The following RGL1 variants were observed in gnomAD, a reference collection of about 807,000 sequenced individuals.
RGL1 encodes the protein ral guanine nucleotide dissociation stimulator-like 1.
A neutral mutation model predicts 95.2 loss-of-function variants in RGL1; 24 were observed. That is an observed-to-expected ratio of 0.25 (90% CI 0.18 to 0.35). The LOEUF (loss-of-function observed/expected upper bound fraction) is 0.35. Ranked by LOEUF, RGL1 falls within the 10% of genes least tolerant of loss-of-function variation. RGL1 has a pLI of 1.00. For synonymous variants in RGL1, 329 were observed against 344.9 expected (o/e 0.95, Z 0.51); for missense variants, 715 against 936.3 (o/e 0.76, Z 3.08).
intron 1 of RGL1, among the ~76,000 whole-genome samples, chr1:183,675,074 A>G (rs954033292): frequency 6.6e-6 from 1 of 152,234 alleles, no homozygotes; most frequent in African/African-American, 2.4e-5. Context: ...CTGATCATCC[A>G]GAATGATCCA....
At position 183,916,602 on chromosome 1, in the gene RGL1, G is replaced by T. The variant is rs371789837; in HGVS notation, c.1905G>T (p.Ser635=). The T allele has an allele frequency of 2.5e-6, 4 of 1,613,106 alleles. No individual in the cohort carries two copies. The highest frequency in any genetic ancestry group is 1.6e-4 in the Middle Eastern group (1 of 6,062). ...CTGTCTCGGTGACGTCCATTACCTC[G>T]ACTGTGCTGCCTCCTGTTTACAACC... is the stretch of plus-strand genomic sequence containing the variant. ...KRSVSVTSIT[S]TVLPPVYNQQ... The change falls in exon 16 of 18, where the codon TCG becomes TCT. Residue 635 remains serine (S), a synonymous_variant. Transcript: ENST00000360851.
intron 1 of RGL1, among the ~76,000 whole-genome samples, chr1:183,703,208 C>T (rs141533913): frequency 2.0e-4 from 30 of 152,282 alleles, no homozygotes; most frequent in African/African-American, 4.8e-4. Context: ...AAGGGAAAAG[C>T]GACGACTTTC....
At chr1:183,664,525 G>C (rs1257523043) in intron 1 of RGL1, among the ~76,000 whole-genome samples, 1 of 151,372 alleles carries the variant, frequency 6.6e-6, no homozygotes, top group Non-Finnish European at 1.5e-5. Flanking sequence ...AACTGGCAGA[G>C]CTGAGATTTA....
chr1:183,805,703 A>G (rs1192419139), intron 1 of RGL1, among the ~76,000 whole-genome samples: 1 of 152,142 alleles, frequency 6.6e-6, no homozygotes, highest in Non-Finnish European at 1.5e-5. Context: ...ATTTTAGTAG[A>G]AGCTGCCTGA....
chr1:183,729,473 C>T (rs893217609), intron 1 of RGL1, among the ~76,000 whole-genome samples: 1 of 152,118 alleles, frequency 6.6e-6, no homozygotes, highest in African/African-American at 2.4e-5. Flanking sequence ...CAAATACTAA[C>T]TGTTGATGAG....
intron 1 of RGL1, among the ~76,000 whole-genome samples, chr1:183,706,515 G>T (rs1264081773): frequency 6.6e-6 from 1 of 152,198 alleles, no homozygotes; most frequent in Admixed American, 6.5e-5. Context: ...GTTTTGACTG[G>T]CTCAGGAAGG....
intron 3 of RGL1, among the ~76,000 whole-genome samples, chr1:183,860,024 T>C (rs1454804347): frequency 6.6e-6 from 1 of 152,190 alleles, no homozygotes; most frequent in African/African-American, 2.4e-5. Flanking sequence ...CCCATGTCGT[T>C]CTCCTGAGTC....
At chr1:183,654,130 A>G (rs1016633104) in intron 1 of RGL1, among the ~76,000 whole-genome samples, 11 of 152,160 alleles carry the variant, frequency 7.2e-5, no homozygotes, top group African/African-American at 2.7e-4. Context: ...GCCTGTTTCC[A>G]CTGTCAGACT....
intron 8 of RGL1, among the ~76,000 whole-genome samples, chr1:183,890,689 A>T (rs1170308781): frequency 6.6e-6 from 1 of 152,154 alleles, no homozygotes; most frequent in Non-Finnish European, 1.5e-5. Flanking sequence ...AAACATGCTA[A>T]ATTTAAAAAG....
chr1:183,860,750 T>C (rs1489878259), intron 3 of RGL1, among the ~76,000 whole-genome samples: 1 of 152,206 alleles, frequency 6.6e-6, no homozygotes, highest in Non-Finnish European at 1.5e-5. Flanking sequence ...ATTAACTAAT[T>C]ATTGTTGTCT....
intron 1 of RGL1, among the ~76,000 whole-genome samples, chr1:183,669,614 A>G (rs1183611681): frequency 6.6e-6 from 1 of 152,242 alleles, no homozygotes; most frequent in South Asian, 2.1e-4. Context: ...CTGGGTAAAA[A>G]GAACTGCAGT....
intron 1 of RGL1, among the ~76,000 whole-genome samples, chr1:183,723,198 T>C (rs1336085153): frequency 6.6e-6 from 1 of 152,126 alleles, no homozygotes; most frequent in Non-Finnish European, 1.5e-5. Flanking sequence ...AATAAACCAA[T>C]AGTATTGAGA....
chr1:183,664,603 C>G (rs1191590930), intron 1 of RGL1, among the ~76,000 whole-genome samples: 1 of 150,758 alleles, frequency 6.6e-6, no homozygotes, highest in Non-Finnish European at 1.5e-5. Flanking sequence ...CATAATCCTG[C>G]TATCGCATCC....
intron 1 of RGL1, among the ~76,000 whole-genome samples, chr1:183,650,888 A>G (rs930568020): frequency 7.2e-5 from 11 of 152,106 alleles, no homozygotes; most frequent in African/African-American, 2.7e-4. Context: ...TATTATTTCT[A>G]GTGAAGTTGA....
chr1:183,813,207 C>T (rs879567630), intron 2 of RGL1, among the ~76,000 whole-genome samples: 13 of 152,126 alleles, frequency 8.5e-5, no homozygotes, highest in South Asian at 4.2e-4. Flanking sequence ...GGGCACAGGG[C>T]GAGGATTCCT....
chr1:183,699,579 T>A (rs1200230339), intron 1 of RGL1, among the ~76,000 whole-genome samples: 1 of 152,190 alleles, frequency 6.6e-6, no homozygotes, highest in East Asian at 1.9e-4. Flanking sequence ...CTAGTCTGGT[T>A]TTCTTTATCC....
chr1:183,755,274 G>A (rs148811639), intron 2 of RGL1, among the ~76,000 whole-genome samples: 7 of 151,336 alleles, frequency 4.6e-5, no homozygotes, highest in South Asian at 2.1e-4. Context: ...ATGAATATTC[G>A]TAACTGACAT....
At chr1:183,849,133 G>A (rs1664645639) in intron 3 of RGL1, among the ~76,000 whole-genome samples, 1 of 151,858 alleles carries the variant, frequency 6.6e-6, no homozygotes, top group Admixed American at 6.6e-5. Flanking sequence ...TGTCCAGACT[G>A]GACTGGAGTG....
chr1:183,869,805 A>T (rs1197950043), intron 4 of RGL1, among the ~76,000 whole-genome samples: 1 of 152,190 alleles, frequency 6.6e-6, no homozygotes, highest in Non-Finnish European at 1.5e-5. Flanking sequence ...AATGTATTGC[A>T]AATTTCCTGG....
Sources: gnomAD v4.1 joint callset for allele counts (sites outside exome capture counted in the v4.1 genomes callset) on GRCh38, gnomAD v4.1.1 for gene constraint, MANE v1.5 for transcripts, NCBI Gene and HGNC (gene_info 2026-07-23, HGNC 2026-07-21) for gene names.